Variants in ZRSR2 observed in about 807,000 individuals in gnomAD.
ZRSR2 encodes the protein U2 small nuclear ribonucleoprotein auxiliary factor 35 kDa subunit-related protein 2.
ZRSR2 carries 3 observed loss-of-function variants against 39.4 expected under a neutral mutation model. The observed-to-expected ratio is 0.08, with a 90% CI of 0.03 to 0.20. The LOEUF (loss-of-function observed/expected upper bound fraction) is 0.20, where lower values mean the gene tolerates loss of function less well. ZRSR2 is among the 10% of genes least tolerant of loss of function. The probability of loss-of-function intolerance (pLI) is 1.00; values close to 1 mark genes in which losing one functional copy is unlikely to be tolerated. For missense variants in ZRSR2, 256 were observed against 391.5 expected, an observed-to-expected ratio of 0.65 and a Z score of 2.92; for synonymous variants, 137 against 136.0, an observed-to-expected ratio of 1.01 and a Z score of -0.05.
chrX:15,811,639 G>A (rs1932884725), intron 7 of ZRSR2, among the ~76,000 whole-genome samples: 1 of 112,154 alleles, frequency 8.9e-6, no homozygotes, highest in Non-Finnish European at 1.9e-5. Flanking sequence ...TGTTGGCCAG[G>A]ATGGTCTCGA....
At chrX:15,804,055 G>T in intron 4 of ZRSR2, 56 bp from the exon 5 acceptor site, 1 of 1,109,011 alleles carries the variant, frequency 9.0e-7, no homozygotes, top group Non-Finnish European at 1.2e-6. Flanking sequence ...TGCGCTGTAT[G>T]TGAAATGTTT....
At chrX:15,795,091 C>A (rs866748971) in intron 2 of ZRSR2, among the ~76,000 whole-genome samples, 12 of 43,245 alleles carry the variant, frequency 2.8e-4, no homozygotes, top group African/African-American at 1.6e-3. Context: ...GCACTTTTCC[C>A]CCCCCCCCAT....
intron 7 of ZRSR2, among the ~76,000 whole-genome samples, chrX:15,813,246 G>A (rs758455884): frequency 1.8e-5 from 2 of 112,228 alleles, no homozygotes; most frequent in South Asian, 7.4e-4. Context: ...ACTGACTTAA[G>A]TATCAGAATA....
chrX:15,801,803 A>G (rs1435752214), intron 3 of ZRSR2: 2 of 112,258 alleles, frequency 1.8e-5, no homozygotes, highest in Non-Finnish European at 1.9e-5. Flanking sequence ...ACATACATGT[A>G]TCTTTGTGCT....
rs748936730 is a variant in ZRSR2, at chrX:15,806,599, G to A, written c.400-1634G>A. ...CTGCTACCACGCCCAGCTAATTTTTGTATTTTTAGTAGAGACAGGGTTTCA... is the reference window on the plus strand; with the variant it reads ...CTGCTACCACGCCCAGCTAATTTTTATATTTTTAGTAGAGACAGGGTTTCA... On this transcript the variant is annotated intron_variant, in intron 5 of 10. Coordinates refer to ENST00000307771, the MANE Select transcript of ZRSR2 (RefSeq NM_005089.4). 7.1e-4 allele frequency among the ~76,000 whole-genome samples: 78 copies of A among 109,967 alleles called. No individual in the cohort carries two copies. The Admixed American group carries it at 7.4e-3, about 10-fold the overall frequency.
At chrX:15,822,576 T>C (rs1933135339) in intron 10 of ZRSR2, among the ~76,000 whole-genome samples, 155 bp from the exon 11 acceptor site, 1 of 112,690 alleles carries the variant, frequency 8.9e-6, no homozygotes, top group Admixed American at 9.3e-5. Context: ...GGAACCAAAT[T>C]ATGACATCAA....
chrX:15,791,170 A>G (rs1932264390), intron 2 of ZRSR2, among the ~76,000 whole-genome samples, 157 bp downstream of exon 2: 1 of 112,210 alleles, frequency 8.9e-6, no homozygotes, highest in East Asian at 2.8e-4. Flanking sequence ...AACACATGTC[A>G]GAAACAATGT....
In ZRSR2 at chrX:15,808,290, A is replaced by G. The variant is rs772126909; in HGVS notation, c.438+19A>G. 3.4e-6 allele frequency: 4 copies of G among 1,178,916 alleles called. No individual in the cohort carries two copies. Among genetic ancestry groups the G allele is most frequent in the Non-Finnish European group, 4.6e-6 (4 of 870,200 alleles). On this transcript the variant is annotated intron_variant, in intron 6 of 10. Transcript: ENST00000307771. ...AAATGAGGTATTTTTAAAACCTTAC[A>G]TTGATAATTTGAGACCAATTAATGT...
At chrX:15,807,859 G>T (rs767494062) in intron 5 of ZRSR2, among the ~76,000 whole-genome samples, 1 of 108,355 alleles carries the variant, frequency 9.2e-6, no homozygotes, top group African/African-American at 3.4e-5. Context: ...GGGCAACATG[G>T]TGAAACTCCG....
chrX:15,813,029 C>T (rs1329522097), intron 7 of ZRSR2, among the ~76,000 whole-genome samples: 1 of 112,211 alleles, frequency 8.9e-6, no homozygotes, highest in Non-Finnish European at 1.9e-5. Flanking sequence ...CAGTGACCTT[C>T]GATAAATGAT....
intron 2 of ZRSR2, among the ~76,000 whole-genome samples, chrX:15,799,023 TA>T (rs1398638651): frequency 9.1e-6 from 1 of 110,180 alleles, no homozygotes; most frequent in Non-Finnish European, 1.9e-5. Flanking sequence ...CCGTCTCCAC[TA>T]AAAATACAAA....
At chrX:15,809,104 T>G in intron 6 of ZRSR2, 96 bp from the exon 7 acceptor site, 2 of 648,786 alleles carry the variant, frequency 3.1e-6, no homozygotes, top group Non-Finnish European at 5.0e-6. Flanking sequence ...AATGAAACAA[T>G]GTTTATCTTT....
At chrX:15,817,130 G>A (rs1932993299) in intron 8 of ZRSR2, among the ~76,000 whole-genome samples, 1 of 112,029 alleles carries the variant, frequency 8.9e-6, no homozygotes, top group Admixed American at 9.5e-5. Flanking sequence ...CTGCTTCTGT[G>A]AAGTGGTAAT....
At position 15,809,066 on chromosome X, in the gene ZRSR2, T is replaced by C. The variant is rs976066577; in HGVS notation, c.439-134T>C. The C allele has an allele frequency of 1.3e-5, 7 of 526,581 alleles. No homozygotes were observed. The East Asian group carries it at 2.4e-4, about 18-fold the overall frequency. The allele number at this position is 526,581 out of a possible 1,213,427, so 43.4% of individuals were successfully genotyped here. A position where few individuals can be genotyped will look rare whatever the true frequency, so the allele number is the denominator to read the frequency against. On this transcript the variant is annotated intron_variant, in intron 6 of 10. Transcript: ENST00000307771. ...CGTTGTTTGTAAAGTCTTGATTGCC[T>C]GTTCCAACTTAAATGTTTGCATTAT...
At chrX:15,812,176 G>A (rs746648976) in intron 7 of ZRSR2, among the ~76,000 whole-genome samples, 2 of 111,656 alleles carry the variant, frequency 1.8e-5, no homozygotes, top group Admixed American at 9.5e-5. Flanking sequence ...TGATCCGCCC[G>A]CCTCGGCCTC....
intron 2 of ZRSR2, among the ~76,000 whole-genome samples, chrX:15,796,501 C>T (rs183799103): frequency 2.1e-3 from 199 of 92,893 alleles, no homozygotes; most frequent in Non-Finnish European, 3.6e-3. Flanking sequence ...TTTCTTCCTT[C>T]TGTACCTCAT....
At position 15,822,877 on chromosome X, in the gene ZRSR2, G is replaced by A. The variant is rs754101239; in HGVS notation, c.1084G>A (p.Glu362Lys). The change falls in exon 11 of 11, where the codon GAA (glutamate) becomes AAA (lysine). Residue 362 changes from glutamate to lysine, a missense_variant. Transcript: ENST00000307771. ...TGGCTCCTCCTTTGGGAAGAACTCC[G>A]AAAGGAGGGAGAGGATGGGCCACCA... is the stretch of plus-strand genomic sequence containing the variant. ...RTGSSFGKNS[E>K]RRERMGHHDD... The A allele has an allele frequency of 8.2e-7, 1 of 1,212,351 alleles. No individual in the cohort carries two copies. The highest frequency in any genetic ancestry group is 1.1e-6 in the Non-Finnish European group (1 of 895,653).
intron 2 of ZRSR2, among the ~76,000 whole-genome samples, chrX:15,796,576 A>G (rs189159087): frequency 9.0e-6 from 1 of 110,811 alleles, no homozygotes; most frequent in Admixed American, 9.7e-5. Context: ...TTAATACTGC[A>G]TATTTATGTT....
intron 7 of ZRSR2, among the ~76,000 whole-genome samples, chrX:15,814,978 AC>A (rs1343479578): frequency 1.8e-5 from 2 of 111,823 alleles, no homozygotes; most frequent in African/African-American, 6.5e-5. Context: ...GTTAGTTCCC[AC>A]CTTCCTCTCA....
Sources: gnomAD v4.1 joint callset for allele counts (sites outside exome capture counted in the v4.1 genomes callset) on GRCh38, gnomAD v4.1.1 for gene constraint, MANE v1.5 for transcripts, NCBI Gene and HGNC (gene_info 2026-07-23, HGNC 2026-07-21) for gene names.